Variants in RMST observed in about 807,000 individuals in gnomAD.
The protein encoded by RMST is long intergenic non-protein coding RNA 54.
chr12:97,535,188 A>G (rs1881975067), intron 11 of RMST, among the ~76,000 whole-genome samples: 1 of 151,636 alleles, frequency 6.6e-6, no homozygotes, highest in Non-Finnish European at 1.5e-5. Context: ...CTCTAGAAAC[A>G]ATAAGTGTCC....
At chr12:97,526,080 C>T (rs12315728) in intron 10 of RMST, among the ~76,000 whole-genome samples, 12,431 of 151,878 alleles carry the variant, frequency 0.082, 960 homozygotes, top group African/African-American at 0.2. Flanking sequence ...ACTGATTCTA[C>T]ATTATGGTGA....
chr12:97,471,021 T>G (rs1425585676), intron 5 of RMST, among the ~76,000 whole-genome samples: 1 of 152,098 alleles, frequency 6.6e-6, no homozygotes, highest in Non-Finnish European at 1.5e-5. Flanking sequence ...TATGCAAAGG[T>G]GTAGCCTCGA....
chr12:97,531,900 T>C (rs1476528666), intron 11 of RMST, among the ~76,000 whole-genome samples: 1 of 151,992 alleles, frequency 6.6e-6, no homozygotes, highest in Non-Finnish European at 1.5e-5. Context: ...AATAAGCTCA[T>C]TTAAGCTTTC....
At chr12:97,564,789 A>G (rs796453538) in exon 14 of RMST, 6 of 152,300 alleles carry the variant, frequency 3.9e-5, no homozygotes, top group African/African-American at 1.2e-4. Context: ...TGAGAAAGAA[A>G]AGACTGCTTC....
chr12:97,467,287 A>G (rs1353373787), intron 5 of RMST, among the ~76,000 whole-genome samples: 1 of 152,044 alleles, frequency 6.6e-6, no homozygotes, highest in Non-Finnish European at 1.5e-5. Context: ...ACACACAAGT[A>G]ACGTTAATCA....
chr12:97,501,201 T>C (rs1346391401), intron 10 of RMST, among the ~76,000 whole-genome samples: 1 of 152,176 alleles, frequency 6.6e-6, no homozygotes, highest in Non-Finnish European at 1.5e-5. Context: ...AATTTCAATA[T>C]TTACCAGTAA....
intron 11 of RMST, among the ~76,000 whole-genome samples, chr12:97,552,616 C>T (rs1465929503): frequency 6.6e-6 from 1 of 152,152 alleles, no homozygotes; most frequent in Non-Finnish European, 1.5e-5. Context: ...ATTTGCACTC[C>T]AGGTTTAAGT....
intron 10 of RMST, among the ~76,000 whole-genome samples, chr12:97,517,769 CTGTGTGATCCTTCTAT>C (rs1176393705): frequency 6.6e-6 from 1 of 151,986 alleles, no homozygotes; most frequent in Non-Finnish European, 1.5e-5. Context: ...GTATGTGTCT[CTGTGTGATCCTTCTAT>C]TTATCATCAT....
At chr12:97,554,681 A>G in intron 11 of RMST, among the ~76,000 whole-genome samples, 1 of 152,312 alleles carries the variant, frequency 6.6e-6, no homozygotes, top group Middle Eastern at 3.4e-3. Context: ...CTCGTTGCCA[A>G]GAATCTAGGT....
At chr12:97,561,889 T>G (rs1203684810) in intron 13 of RMST, among the ~76,000 whole-genome samples, 1 of 152,172 alleles carries the variant, frequency 6.6e-6, no homozygotes, top group Non-Finnish European at 1.5e-5. Context: ...AATCAATCAA[T>G]CTGTTAATCA....
At chr12:97,503,186 T>G (rs1398000637) in intron 10 of RMST, among the ~76,000 whole-genome samples, 5 of 152,174 alleles carry the variant, frequency 3.3e-5, no homozygotes, top group Admixed American at 3.3e-4. Context: ...ATTTCCTTCT[T>G]CTCCTATAGC....
intron 13 of RMST, among the ~76,000 whole-genome samples, chr12:97,561,307 G>T (rs1884084343): frequency 6.6e-6 from 1 of 152,166 alleles, no homozygotes; most frequent in Non-Finnish European, 1.5e-5. Context: ...GCATTTGTGT[G>T]TATTGCTGTG....
At chr12:97,490,557 G>A (rs1272230043) in intron 5 of RMST, among the ~76,000 whole-genome samples, 1 of 152,096 alleles carries the variant, frequency 6.6e-6, no homozygotes, top group Non-Finnish European at 1.5e-5. Context: ...AGTATCATAA[G>A]GATGTTTGCT....
At chr12:97,523,848 C>A (rs1354764207) in intron 10 of RMST, among the ~76,000 whole-genome samples, 1 of 151,860 alleles carries the variant, frequency 6.6e-6, no homozygotes, top group African/African-American at 2.4e-5. Context: ...GAGGTCGAGG[C>A]GGGCGGATCA....
intron 5 of RMST, among the ~76,000 whole-genome samples, chr12:97,476,877 G>T (rs920009248): frequency 6.6e-6 from 1 of 152,098 alleles, no homozygotes; most frequent in Non-Finnish European, 1.5e-5. Flanking sequence ...AAATCATAGG[G>T]TAATTTGGGA....
intron 10 of RMST, among the ~76,000 whole-genome samples, chr12:97,497,086 T>A (rs1176291584): frequency 6.6e-6 from 1 of 152,214 alleles, no homozygotes; most frequent in Non-Finnish European, 1.5e-5. Flanking sequence ...CATCTTACCA[T>A]GGAATATAAA....
intron 11 of RMST, among the ~76,000 whole-genome samples, chr12:97,536,582 G>A (rs943361068): frequency 2.0e-5 from 3 of 151,408 alleles, no homozygotes; most frequent in Non-Finnish European, 4.4e-5. Flanking sequence ...TAGAGAGTGA[G>A]GAAGTGTTTG....
chr12:97,563,134 T>G (rs960891374), intron 13 of RMST: 2 of 152,258 alleles, frequency 1.3e-5, no homozygotes, highest in African/African-American at 4.8e-5. Context: ...ATGAAGAATG[T>G]TCTTGGTCTT....
intron 9 of RMST, among the ~76,000 whole-genome samples, chr12:97,495,135 T>A (rs1255703549): frequency 1.3e-5 from 2 of 150,976 alleles, no homozygotes; most frequent in African/African-American, 4.9e-5. Flanking sequence ...CCATACAGCA[T>A]ATTTAAATTA....
Sources: gnomAD v4.1 joint callset for allele counts (sites outside exome capture counted in the v4.1 genomes callset) on GRCh38, gnomAD v4.1.1 for gene constraint, MANE v1.5 for transcripts, NCBI Gene and HGNC (gene_info 2026-07-23, HGNC 2026-07-21) for gene names.